The following CHST3 variants were observed in gnomAD, a reference collection of about 807,000 sequenced individuals.
CHST3 encodes carbohydrate sulfotransferase 3, also known as C6ST-1.
In CHST3, 20 loss-of-function variants were observed where a neutral mutation model predicts 35.4. The ratio of observed to expected loss-of-function variants is 0.57; its 90% CI spans 0.40 to 0.82. The LOEUF is 0.82. Among genes scored for constraint, CHST3 ranks in the 40% least tolerant of loss-of-function variants. The pLI is 0.00. For synonymous variants in CHST3, 334 were observed against 295.9 expected, an observed-to-expected ratio of 1.13 and a Z score of -1.32; for missense variants, 693 against 670.1, an observed-to-expected ratio of 1.03 and a Z score of -0.38.
intron 1 of CHST3, among the ~76,000 whole-genome samples, chr10:71,971,048 T>C (rs1839689978): frequency 6.6e-6 from 1 of 152,202 alleles, no homozygotes; most frequent in Non-Finnish European, 1.5e-5. Context: ...TTCCATCTCT[T>C]AATAACTTCA....
intron 1 of CHST3, among the ~76,000 whole-genome samples, chr10:71,997,803 G>C (rs568803983): frequency 6.2e-4 from 94 of 151,560 alleles, no homozygotes; most frequent in Non-Finnish European, 1.1e-3. Flanking sequence ...GAGTAGCTGA[G>C]ATTACAGGCA....
At chr10:71,999,813 G>C (rs1469374894) in intron 1 of CHST3, among the ~76,000 whole-genome samples, 4 of 152,224 alleles carry the variant, frequency 2.6e-5, no homozygotes. Flanking sequence ...CCCTGGGGGA[G>C]AGAAGGGAGG....
At chr10:72,007,129 GTCCCCAGT>G in intron 2 of CHST3, 35 bp from the exon 3 acceptor site, 1 of 1,606,928 alleles carries the variant, frequency 6.2e-7, no homozygotes, top group East Asian at 2.2e-5. Flanking sequence ...AGGAGACGGG[GTCCCCAGT>G]CAGCCACTGA....
At position 72,007,671 on chromosome 10, in the gene CHST3, C is replaced by T. The variant is rs1840057244; in HGVS notation, c.640C>T (p.His214Tyr). 2 of 1,609,044 alleles carry T rather than the reference C, an allele frequency of 1.2e-6. No homozygotes were observed. The highest frequency in any genetic ancestry group is 1.3e-5 in the African/African-American group (1 of 74,930). ...EHFITPLPED[H>Y]LTQFMFRRGS... ...CTTCATCACGCCGCTGCCCGAGGAC[C>T]ACCTGACTCAGTTCATGTTCCGCCG... The change falls in exon 3 of 3, where the codon CAC becomes TAC. Residue 214 changes from histidine (H) to tyrosine (Y), a missense_variant. Coordinates refer to ENST00000373115, the MANE Select transcript of CHST3 (RefSeq NM_004273.5).
chr10:71,991,225 C>T (rs1839893831), intron 1 of CHST3, among the ~76,000 whole-genome samples: 1 of 152,200 alleles, frequency 6.6e-6, no homozygotes, highest in Admixed American at 6.5e-5. Flanking sequence ...TGGAGGAGCC[C>T]CTGGCCACTC....
intron 1 of CHST3, among the ~76,000 whole-genome samples, chr10:71,972,347 A>G (rs1184283305): frequency 1.3e-5 from 2 of 151,890 alleles, no homozygotes; most frequent in African/African-American, 2.4e-5. Flanking sequence ...TGGCCAGTGC[A>G]TGTCATTGCG....
chr10:72,005,495 T>C (rs1017676168), intron 1 of CHST3, among the ~76,000 whole-genome samples: 2 of 152,214 alleles, frequency 1.3e-5, no homozygotes, highest in South Asian at 4.1e-4. Context: ...CACAGGCCTT[T>C]GATGTGTGAG....
rs149889947 is a variant in CHST3, at chr10:72,001,938, C to T, written c.-107-3798C>T. On this transcript the variant is annotated intron_variant, in intron 1 of 2. Transcript: ENST00000373115. ...ATCTGATGTCACAGGTGTCACAGGC[C>T]TGCTTCTTGTAAAGGGCCTCCTGCA... is the stretch of plus-strand genomic sequence containing the variant. 2.9e-3 allele frequency among the ~76,000 whole-genome samples: 440 copies of T among 152,286 alleles called. 1 individual carries two copies. Among genetic ancestry groups the T allele is most frequent in the Non-Finnish European group, 4.6e-3 (311 of 68,010 alleles).
At chr10:71,971,153 G>A (rs1162149927) in intron 1 of CHST3, among the ~76,000 whole-genome samples, 1 of 152,234 alleles carries the variant, frequency 6.6e-6, no homozygotes, top group Non-Finnish European at 1.5e-5. Context: ...CATCCAGGGA[G>A]TGGCTGAGGG....
chr10:71,992,748 C>T (rs1839908753), intron 1 of CHST3, among the ~76,000 whole-genome samples: 1 of 151,368 alleles, frequency 6.6e-6, no homozygotes. Context: ...GCAACCTCCA[C>T]CTCCCAGATT....
In CHST3 at chr10:72,010,584, T is replaced by C. The variant is rs1297524405; in HGVS notation, c.*2113T>C. Reference sequence around the variant, plus strand: ...CAGTCATTCAAGGAGGTCTCCACTCTTGGGTTTTTTTTATTTTCTTTTCTT... The same window carrying C: ...CAGTCATTCAAGGAGGTCTCCACTCCTGGGTTTTTTTTATTTTCTTTTCTT... On this transcript the variant is annotated 3_prime_UTR_variant, in exon 3 of 3. Transcript: ENST00000373115. 6.6e-6 allele frequency: 1 copy of C among 151,760 alleles called. No individual in the cohort carries two copies. Among genetic ancestry groups the C allele is most frequent in the African/African-American group, 2.4e-5 (1 of 41,002 alleles). The allele number at this position is 151,760 out of a possible 1,614,324, so 9.4% of individuals were successfully genotyped here.
At chr10:71,971,313 C>G (rs1487686733) in intron 1 of CHST3, among the ~76,000 whole-genome samples, 1 of 152,198 alleles carries the variant, frequency 6.6e-6, no homozygotes, top group Non-Finnish European at 1.5e-5. Flanking sequence ...GGGGTGAGTC[C>G]TGCGCTCCGC....
chr10:71,975,723 C>T (rs1274794479), intron 1 of CHST3, among the ~76,000 whole-genome samples: 1 of 152,262 alleles, frequency 6.6e-6, no homozygotes, highest in Non-Finnish European at 1.5e-5. Flanking sequence ...TGCCAGCTTC[C>T]TTGGCCTGTC....
At chr10:71,999,273 C>T (rs1004277802) in intron 1 of CHST3, among the ~76,000 whole-genome samples, 9 of 152,190 alleles carry the variant, frequency 5.9e-5, no homozygotes, top group South Asian at 2.1e-4. Context: ...GCTCCCCTGC[C>T]GCCTCTCTCC....
intron 1 of CHST3, among the ~76,000 whole-genome samples, chr10:71,993,541 C>T (rs913937553): frequency 6.6e-6 from 1 of 152,230 alleles, no homozygotes; most frequent in Admixed American, 6.5e-5. Flanking sequence ...ACCTCCTCTC[C>T]TGAGTCACAA....
At chr10:71,976,108 G>T (rs746086722) in intron 1 of CHST3, among the ~76,000 whole-genome samples, 9 of 152,324 alleles carry the variant, frequency 5.9e-5, no homozygotes, top group African/African-American at 2.2e-4. Context: ...GATTCATTCT[G>T]CAGTCACTGG....
At chr10:71,992,764 A>T (rs1404892171) in intron 1 of CHST3, among the ~76,000 whole-genome samples, 1 of 150,942 alleles carries the variant, frequency 6.6e-6, no homozygotes, top group Non-Finnish European at 1.5e-5. Flanking sequence ...AGATTCAAGC[A>T]ATTCTACTGC....
rs1440148378 is a variant in CHST3 at position 72,013,067 on chromosome 10, C to T, written c.*4596C>T. The T allele has an allele frequency of 2.0e-5, 3 of 152,232 alleles. No homozygotes were observed. The highest frequency in any genetic ancestry group is 7.2e-5 in the African/African-American group (3 of 41,438). 9.4% of individuals were successfully genotyped at this position (152,232 alleles called of 1,614,324 possible). ...TGCTTTGCTGGGGGGATACAATGAC[C>T]CATGTGGTCTGCGTCTTCTGCCATT... is the stretch of plus-strand genomic sequence containing the variant. On this transcript the variant is annotated 3_prime_UTR_variant, in exon 3 of 3. Transcript: ENST00000373115.
Position 71,970,466 on chromosome 10 carries a change from G to T in CHST3, c.-108+5772G>T, listed in dbSNP as rs535779143. On this transcript the variant is annotated intron_variant, in intron 1 of 2. Transcript: ENST00000373115. The stretch of plus-strand genomic sequence containing the variant: ...GGCCAGCCCGGGATGTTCTTATTTG[G>T]CCTCTGTGGTTACACCTGCCCCCTC... 2.0e-5 allele frequency among the ~76,000 whole-genome samples: 3 copies of T among 152,198 alleles called. No homozygotes were observed. In the South Asian group the frequency reaches 6.2e-4, roughly 32 times the overall value.
Sources: gnomAD v4.1 joint callset for allele counts (sites outside exome capture counted in the v4.1 genomes callset) on GRCh38, gnomAD v4.1.1 for gene constraint, MANE v1.5 for transcripts, NCBI Gene and HGNC (gene_info 2026-07-23, HGNC 2026-07-21) for gene names.